Variants in GRM7 observed in about 807,000 individuals in gnomAD.
The protein encoded by GRM7 is glutamate metabotropic receptor 7, also known as metabotropic glutamate receptor 7.
GRM7 carries 35 observed loss-of-function variants against 84.5 expected under a neutral mutation model. That is an observed-to-expected ratio of 0.41 (90% CI 0.32 to 0.55). GRM7 has a LOEUF of 0.55. GRM7 is among the 20% of genes least tolerant of loss of function. The probability of loss-of-function intolerance (pLI) is 0.19; values close to 1 mark genes in which losing one functional copy is unlikely to be tolerated. For missense variants in GRM7, 1,003 were observed against 1,194.6 expected (o/e 0.84, Z 2.36); for synonymous variants, 487 against 455.1 (o/e 1.07, Z -0.89).
chr3:7,114,014 A>G (rs1265148632), intron 1 of GRM7, among the ~76,000 whole-genome samples: 2 of 152,150 alleles, frequency 1.3e-5, no homozygotes, highest in African/African-American at 2.4e-5. Context: ...TCTGATTTCA[A>G]TTGCCCTAAA....
At chr3:7,013,616 T>C (rs1294612370) in intron 1 of GRM7, among the ~76,000 whole-genome samples, 1 of 152,180 alleles carries the variant, frequency 6.6e-6, no homozygotes, top group Non-Finnish European at 1.5e-5. Context: ...ATGAGTTCGT[T>C]TGAATTAAGA....
intron 8 of GRM7, among the ~76,000 whole-genome samples, chr3:7,648,516 G>T (rs1168883510): frequency 6.6e-6 from 1 of 152,000 alleles, no homozygotes; most frequent in Non-Finnish European, 1.5e-5. Context: ...GGGCATGGTG[G>T]CAGGTGCCTG....
intron 4 of GRM7, among the ~76,000 whole-genome samples, chr3:7,368,020 A>C (rs56271103): frequency 0.39 from 58,744 of 151,110 alleles, 11,786 homozygotes; most frequent in East Asian, 0.57. Flanking sequence ...TCCTTAAGAA[A>C]AAATTCTAAG....
At chr3:7,713,400 A>G (rs1701660677) in intron 9 of GRM7, among the ~76,000 whole-genome samples, 1 of 151,980 alleles carries the variant, frequency 6.6e-6, no homozygotes, top group Non-Finnish European at 1.5e-5. Flanking sequence ...AGTCTCCCAA[A>G]GTGCTGAGAT....
In GRM7 at chr3:7,578,694, C is replaced by T. The variant is rs1322429422; in HGVS notation, c.1788C>T (p.Phe596=). The T allele has an allele frequency of 6.2e-7, 1 of 1,613,990 alleles. No homozygotes were observed. The highest frequency in any genetic ancestry group is 2.2e-5 in the East Asian group (1 of 44,876). The part of the protein sequence containing the change: ...WHSPWAVIPV[F]LAMLGIIATI... Reference sequence around the variant, plus strand: ...CCCCCTGGGCTGTGATTCCTGTCTTCCTGGCAATGTTGGGGATCATTGCCA... The same window carrying T: ...CCCCCTGGGCTGTGATTCCTGTCTTTCTGGCAATGTTGGGGATCATTGCCA... The change falls in exon 8 of 10, where the codon TTC becomes TTT. Residue 596 remains phenylalanine, a synonymous_variant. Coordinates refer to ENST00000357716, the MANE Select transcript of GRM7 (RefSeq NM_000844.4).
chr3:7,548,540 C>A (rs193002658), intron 7 of GRM7, among the ~76,000 whole-genome samples: 1 of 152,314 alleles, frequency 6.6e-6, no homozygotes, highest in Non-Finnish European at 1.5e-5. Flanking sequence ...AAAATCCAGA[C>A]TATATTTTAA....
chr3:7,344,607 A>T (rs531453114), intron 4 of GRM7, among the ~76,000 whole-genome samples: 2 of 152,348 alleles, frequency 1.3e-5, no homozygotes, highest in Non-Finnish European at 2.9e-5. Context: ...ATTATATAAA[A>T]GCCTGTTATT....
intron 8 of GRM7, among the ~76,000 whole-genome samples, chr3:7,617,204 A>C (rs1051383714): frequency 6.6e-6 from 1 of 152,134 alleles, no homozygotes; most frequent in East Asian, 1.9e-4. Flanking sequence ...TAACGTTCCA[A>C]TAATGAAACA....
intron 1 of GRM7, among the ~76,000 whole-genome samples, chr3:7,078,661 G>C (rs531591523): frequency 6.6e-6 from 1 of 152,268 alleles, no homozygotes; most frequent in South Asian, 2.1e-4. Flanking sequence ...ATGGGATGAT[G>C]AATAGGATTT....
chr3:7,584,893 T>C (rs1241809731), intron 8 of GRM7, among the ~76,000 whole-genome samples: 1 of 152,210 alleles, frequency 6.6e-6, no homozygotes, highest in African/African-American at 2.4e-5. Context: ...TTAATCTATT[T>C]TATCAACAAC....
chr3:6,885,344 A>G (rs1695651041), intron 1 of GRM7, among the ~76,000 whole-genome samples: 1 of 152,194 alleles, frequency 6.6e-6, no homozygotes, highest in South Asian at 2.1e-4. Flanking sequence ...TTTTAATTAT[A>G]TGCAAATTAA....
At chr3:7,191,473 T>G (rs180874558) in intron 2 of GRM7, among the ~76,000 whole-genome samples, 47 of 152,244 alleles carry the variant, frequency 3.1e-4, no homozygotes, top group Middle Eastern at 3.4e-3. Flanking sequence ...ACATATTTAT[T>G]GCAGTGTTTT....
At chr3:7,378,021 T>A (rs1694428351) in intron 4 of GRM7, among the ~76,000 whole-genome samples, 1 of 152,128 alleles carries the variant, frequency 6.6e-6, no homozygotes, top group South Asian at 2.1e-4. Flanking sequence ...CGCTAGGAAG[T>A]CTCCCTGACC....
intron 8 of GRM7, chr3:7,608,107 C>G (rs1457290149): frequency 4.2e-6 from 1 of 238,356 alleles, no homozygotes; most frequent in African/African-American, 2.3e-5. Context: ...GTGTATGTAC[C>G]ACATTTTCTT....
At chr3:7,573,345 C>T (rs1391886139) in intron 7 of GRM7, among the ~76,000 whole-genome samples, 1 of 151,968 alleles carries the variant, frequency 6.6e-6, no homozygotes, top group African/African-American at 2.4e-5. Context: ...GCAATAAAAG[C>T]ACCAGCCAGC....
At chr3:7,054,330 T>A (rs935213224) in intron 1 of GRM7, among the ~76,000 whole-genome samples, 1 of 149,232 alleles carries the variant, frequency 6.7e-6, no homozygotes, top group African/African-American at 2.4e-5. Flanking sequence ...ATATATGACA[T>A]CTAATATATG....
chr3:7,199,641 G>A (rs1267528057), intron 2 of GRM7, among the ~76,000 whole-genome samples: 6 of 152,146 alleles, frequency 3.9e-5, no homozygotes, highest in African/African-American at 1.2e-4. Context: ...GCTTCCACTG[G>A]CATCTAGTTG....
intron 8 of GRM7, among the ~76,000 whole-genome samples, chr3:7,667,840 C>A (rs1217937817): frequency 1.4e-5 from 2 of 139,490 alleles, no homozygotes; most frequent in Non-Finnish European, 3.1e-5. Flanking sequence ...TCAGTTAAGT[C>A]AAAGTCAGCA....
intron 2 of GRM7, among the ~76,000 whole-genome samples, chr3:7,234,617 G>C (rs1697292498): frequency 6.6e-6 from 1 of 152,134 alleles, no homozygotes. Context: ...CATACTGCAT[G>C]ATTAAACGTT....
Sources: gnomAD v4.1 joint callset for allele counts (sites outside exome capture counted in the v4.1 genomes callset) on GRCh38, gnomAD v4.1.1 for gene constraint, MANE v1.5 for transcripts, NCBI Gene and HGNC (gene_info 2026-07-23, HGNC 2026-07-21) for gene names.